Variants in SMPD4 observed in about 807,000 individuals in gnomAD.
SMPD4 encodes the protein sphingomyelin phosphodiesterase 4, also known as neutral sphingomyelinase 3.
Under a neutral mutation model 97.8 loss-of-function variants are expected in SMPD4, and 58 were observed. The ratio of observed to expected loss-of-function variants is 0.59; its 90% confidence interval spans 0.48 to 0.74. SMPD4 has a LOEUF of 0.74. SMPD4 is among the 30% of genes least tolerant of loss of function. The pLI is 0.00. For missense variants in SMPD4, 853 were observed against 1,080.5 expected (o/e 0.79, Z 2.95); for synonymous variants, 388 against 450.0 (o/e 0.86, Z 1.74).
Position 130,173,302 on chromosome 2 carries a change from C to T in SMPD4, c.322G>A (p.Asp108Asn), listed in dbSNP as rs1436979898. The T allele has an allele frequency of 3.0e-5, 48 of 1,613,574 alleles. No individual in the cohort carries two copies. Among genetic ancestry groups the T allele is most frequent in the Middle Eastern group, 1.6e-4 (1 of 6,078 alleles). The change falls in exon 5 of 20, where the codon GAC (aspartate) becomes AAC (asparagine). Residue 108 changes from aspartate to asparagine, a missense_variant. Transcript: ENST00000680298. ...ACAGGCAAGTAGGAGACAGGAAAGT[C>T]GAACTTATAGTCTTCAGCTTGAAGC... ...YKLQAEDYKF[D>N]FPVSYLPGPV...
intron 16 of SMPD4, 81 bp from the exon 17 acceptor site, chr2:130,154,016 A>G (rs1442679600): frequency 8.7e-6 from 12 of 1,374,340 alleles, no homozygotes; most frequent in African/African-American, 2.9e-5. Context: ...ATGCACAGCC[A>G]GACTGCTGAG....
At chr2:130,158,881 G>A (rs1478542743) in intron 11 of SMPD4, among the ~76,000 whole-genome samples, 2 of 152,160 alleles carry the variant, frequency 1.3e-5, no homozygotes, top group Admixed American at 6.5e-5. Flanking sequence ...GACCCCGCAC[G>A]GGCCACTGCC....
intron 1 of SMPD4, among the ~76,000 whole-genome samples, chr2:130,177,059 C>T (rs531685567): frequency 2.4e-4 from 36 of 152,310 alleles, no homozygotes; most frequent in African/African-American, 8.7e-4. Context: ...ATTCGCAACA[C>T]ACATTACATT....
At chr2:130,157,587 T>C (rs1686942680) in intron 11 of SMPD4, 191 bp from the exon 12 acceptor site, 6 of 1,192,584 alleles carry the variant, frequency 5.0e-6, no homozygotes, top group Middle Eastern at 2.9e-4. Flanking sequence ...CTTGCACTGC[T>C]TGGTCTGAAC....
rs184531097 is a variant in SMPD4, at chr2:130,177,431, C to T, written c.-45-794G>A. 1.7e-4 allele frequency among the ~76,000 whole-genome samples: 26 copies of T among 152,110 alleles called. No homozygotes were observed. The East Asian group carries it at 4.5e-3, about 27-fold the overall frequency. On this transcript the variant is annotated intron_variant, in intron 1 of 19. Coordinates refer to ENST00000680298, the MANE Select transcript of SMPD4 (RefSeq NM_017951.5). ...TGCTGTTCTCAGCCGGGCATGGTGG[C>T]TCCCACCTGTAATCCTAGTACTTTG...
rs751691707 is a variant in SMPD4, at chr2:130,172,673, C to T, written c.459G>A (p.Pro153=). The T allele has an allele frequency of 1.2e-5, 19 of 1,614,210 alleles. No homozygotes were observed. Among genetic ancestry groups the T allele is most frequent in the Middle Eastern group, 1.6e-4 (1 of 6,062 alleles). The change falls in exon 7 of 20, where the codon CCG becomes CCA. Residue 153 remains proline, a synonymous_variant. Coordinates refer to ENST00000680298, the MANE Select transcript of SMPD4 (RefSeq NM_017951.5). ...CAAAGAAGAATATGTAATACTCGAACGGATCTGAGAGCAGCGTCAGGGGCA... is the reference window on the plus strand; with the variant it reads ...CAAAGAAGAATATGTAATACTCGAATGGATCTGAGAGCAGCGTCAGGGGCA... ...GGLGLNLALN[P]FEYYIFFFAL... is the part of the protein sequence containing the mutation.
intron 1 of SMPD4, among the ~76,000 whole-genome samples, chr2:130,177,814 A>G (rs2104923701): frequency 6.6e-6 from 1 of 152,324 alleles, no homozygotes; most frequent in South Asian, 2.1e-4. Context: ...GTTATATACC[A>G]GGACTCGCTC....
Position 130,152,623 on chromosome 2 carries a change from G to A in SMPD4, c.2416C>T (p.Leu806=). Residue 806 remains leucine, a synonymous_variant, in exon 20 of 20, where the codon CTG becomes TTG. Coordinates refer to ENST00000680298, the MANE Select transcript of SMPD4 (RefSeq NM_017951.5). ...GPLPCTLLLT[L]GYVLYASAMT... is the part of the protein sequence containing the mutation. ...GCAGAGGCGTAGAGGACATAGCCCA[G>A]GGTGAGCAGCAGCGTGCATGGGAGG... 5 of 1,555,322 alleles carry A rather than the reference G, an allele frequency of 3.2e-6. No homozygotes were observed. Among genetic ancestry groups the A allele is most frequent in the Non-Finnish European group, 4.3e-6 (5 of 1,150,004 alleles).
In SMPD4 at chr2:130,154,450, T is replaced by C; in HGVS notation, c.1486A>G (p.Ile496Val). The C allele has an allele frequency of 6.4e-7, 1 of 1,559,580 alleles. No individual in the cohort carries two copies. Among genetic ancestry groups the C allele is most frequent in the Admixed American group, 1.9e-5 (1 of 52,350 alleles). Residue 496 changes from isoleucine to valine, a missense_variant, in exon 16 of 20, where the codon ATC becomes GTC. Transcript: ENST00000680298. The part of the protein sequence containing the change: ...EQLFLEPELV[I>V]PHRQHRLFTA... The stretch of plus-strand genomic sequence containing the variant: ...AAGAGTCGGTGCTGGCGGTGGGGGA[T>C]GACCAGCTCTGGCTCCAGGAATAGC...
In SMPD4 at chr2:130,152,786, C is replaced by T; in HGVS notation, c.2253G>A (p.Leu751=). The change falls in exon 20 of 20, where the codon CTG becomes CTA. Residue 751 remains leucine (L), a synonymous_variant. Coordinates refer to ENST00000680298, the MANE Select transcript of SMPD4 (RefSeq NM_017951.5). ...CCTGCCTCCGCCCCACAGGGCTCAG[C>T]AGGTGCCTGCTGGCCAGCCCAGGTT... is the stretch of plus-strand genomic sequence containing the variant. The part of the protein sequence containing the change: ...LTEPGLASRH[L]LSPVGRRQVA... 6.2e-7 allele frequency: 1 copy of T among 1,609,462 alleles called. No homozygotes were observed. Among genetic ancestry groups the T allele is most frequent in the Non-Finnish European group, 8.5e-7 (1 of 1,178,432 alleles).
At chr2:130,166,201 C>T (rs1224959712) in intron 9 of SMPD4, among the ~76,000 whole-genome samples, 5 of 147,574 alleles carry the variant, frequency 3.4e-5, no homozygotes, top group East Asian at 2.1e-4. Flanking sequence ...CCTAGCTACT[C>T]GGGGGGCTGA....
Position 130,153,369 on chromosome 2 carries a change from A to C in SMPD4, c.1975T>G (p.Cys659Gly). 6.2e-7 allele frequency: 1 copy of C among 1,613,844 alleles called. No homozygotes were observed. The highest frequency in any genetic ancestry group is 8.5e-7 in the Non-Finnish European group (1 of 1,180,008). The change falls in exon 18 of 20, where the codon TGC (cysteine) becomes GGC (glycine). Residue 659 changes from cysteine (C) to glycine (G), a missense_variant. This residue lies in a region of SMPD4 where 511 missense variants were observed against 608.1 expected (regional missense o/e 0.84). Coordinates refer to ENST00000680298, the MANE Select transcript of SMPD4 (RefSeq NM_017951.5). ...ATGAGTCCGTCCTCACCCACGATGCAGTCGGGGAGTTGCTTTTTTCCATTC... is the reference window on the plus strand; with the variant it reads ...ATGAGTCCGTCCTCACCCACGATGCCGTCGGGGAGTTGCTTTTTTCCATTC... ...DENGKKQLPDCIVGEDGLILT... is the reference protein window; with the variant it reads ...DENGKKQLPDGIVGEDGLILT...
At chr2:130,158,356 C>A (rs1309004805) in intron 11 of SMPD4, 3 of 743,150 alleles carry the variant, frequency 4.0e-6, no homozygotes, top group Non-Finnish European at 5.6e-6. Flanking sequence ...CTCCCTCTGT[C>A]GCCCAGGCTG....
chr2:130,155,634 G>A (rs1358343328), intron 14 of SMPD4, among the ~76,000 whole-genome samples: 3 of 151,996 alleles, frequency 2.0e-5, no homozygotes, highest in African/African-American at 2.4e-5. Context: ...CAGGTGCCAC[G>A]GAAGCCTGGG....
chr2:130,158,188 T>G (rs2104822706), intron 11 of SMPD4: 1 of 1,279,646 alleles, frequency 7.8e-7, no homozygotes, highest in East Asian at 5.6e-5. Context: ...TCCCACCTGC[T>G]CCTCATCCTG....
At chr2:130,164,514 CAG>C (rs1351517840) in intron 9 of SMPD4, 69 bp from the exon 10 acceptor site, 1 of 1,270,146 alleles carries the variant, frequency 7.9e-7, no homozygotes, top group African/African-American at 1.5e-5. Context: ...GGGGAAAGGA[CAG>C]TGTCTCCAAC....
chr2:130,163,695 A>G (rs1446685416), intron 10 of SMPD4, among the ~76,000 whole-genome samples: 1 of 152,232 alleles, frequency 6.6e-6, no homozygotes, highest in Non-Finnish European at 1.5e-5. Flanking sequence ...TCTAAGGTTC[A>G]CCTAGCTGCT....
At chr2:130,163,135 G>A (rs538724049) in intron 10 of SMPD4, among the ~76,000 whole-genome samples, 13 of 152,368 alleles carry the variant, frequency 8.5e-5, no homozygotes, top group African/African-American at 3.1e-4. Context: ...CTCTGCCCCT[G>A]CCAGGCCACG....
intron 2 of SMPD4, 128 bp downstream of exon 2, chr2:130,176,426 T>C: frequency 1.5e-6 from 1 of 662,466 alleles, no homozygotes; most frequent in Non-Finnish European, 2.5e-6. Flanking sequence ...GAGTCTGCCA[T>C]TGTTTCCATC....
Sources: allele counts gnomAD v4.1 joint callset (sites outside exome capture counted in the v4.1 genomes callset), GRCh38; gene constraint gnomAD v4.1.1; regional missense constraint gnomAD v4.1.1; transcripts MANE v1.5; gene names NCBI Gene and HGNC (gene_info 2026-07-23, HGNC 2026-07-21).